TENM3: variants seen among roughly 807,000 people sequenced by gnomAD.
The protein encoded by TENM3 is teneurin transmembrane protein 3.
Under a neutral mutation model 255.1 loss-of-function variants are expected in TENM3, and 63 were observed. That is an observed-to-expected ratio of 0.25 (90% CI 0.20 to 0.30). TENM3 has a LOEUF of 0.30. TENM3 is among the 10% of genes least tolerant of loss of function. The pLI, the probability that TENM3 is intolerant of heterozygous loss-of-function variation, is 1.00. For synonymous variants in TENM3, 1,306 were observed against 1,322.3 expected (o/e 0.99, Z 0.27); for missense variants, 2,929 against 3,461.1 (o/e 0.85, Z 3.86).
At chr4:181,856,325 A>G in the TENM3 span, among the ~76,000 whole-genome samples, 1 of 152,144 alleles carries the variant, frequency 6.6e-6, no homozygotes, top group Non-Finnish European at 1.5e-5. Flanking sequence ...GCCAAGACCT[A>G]TAAATCTAAA....
the TENM3 span, among the ~76,000 whole-genome samples, chr4:181,582,147 T>G: frequency 6.6e-6 from 1 of 152,232 alleles, no homozygotes; most frequent in African/African-American, 2.4e-5. Context: ...GTATTCATTG[T>G]TCCTGGTTTC....
At chr4:181,612,127 G>C in the TENM3 span, among the ~76,000 whole-genome samples, 1 of 152,122 alleles carries the variant, frequency 6.6e-6, no homozygotes, top group Non-Finnish European at 1.5e-5. Context: ...CGCCCCCAGA[G>C]CCCCAGCCTC....
chr4:181,762,772 A>G, the TENM3 span, among the ~76,000 whole-genome samples: 1 of 152,174 alleles, frequency 6.6e-6, no homozygotes, highest in Admixed American at 6.5e-5. Flanking sequence ...TCACTGTTGG[A>G]GTACAGCAAG....
chr4:182,355,878 G>C (rs1466784184), intron 3 of TENM3, among the ~76,000 whole-genome samples: 4 of 150,772 alleles, frequency 2.7e-5, no homozygotes, highest in African/African-American at 7.3e-5. Context: ...GGGCCATCAA[G>C]TTTCAGTAAT....
intron 10 of TENM3, among the ~76,000 whole-genome samples, 158 bp from the exon 11 acceptor site, chr4:182,681,656 T>C (rs1756187609): frequency 6.6e-6 from 1 of 152,242 alleles, no homozygotes; most frequent in African/African-American, 2.4e-5. Flanking sequence ...TATTGTATTA[T>C]AATTCTTTGC....
chr4:181,781,857 T>G, the TENM3 span, among the ~76,000 whole-genome samples: 3 of 152,352 alleles, frequency 2.0e-5, no homozygotes, highest in East Asian at 5.8e-4. Context: ...TAAGGCCTTT[T>G]CTGCGTCTAT....
Position 182,296,402 on chromosome 4 carries a change from C to T in TENM3, c.-75-27544C>T, listed in dbSNP as rs1009012530. Reference sequence around the variant, plus strand: ...TAAATCATAAGGGACTTTTTCTTTTCAATTGTACTTGAAGGCTATGGGTTA... The same window carrying T: ...TAAATCATAAGGGACTTTTTCTTTTTAATTGTACTTGAAGGCTATGGGTTA... On this transcript the variant is annotated intron_variant, in intron 1 of 27. Transcript: ENST00000511685. Among the ~76,000 whole-genome samples, 27 of 152,134 alleles carry T rather than the reference C, an allele frequency of 1.8e-4. 1 individual carries two copies. Among genetic ancestry groups the T allele is most frequent in the South Asian group, 6.2e-4 (3 of 4,820 alleles).
At chr4:181,558,809 C>G in the TENM3 span, among the ~76,000 whole-genome samples, 1 of 152,248 alleles carries the variant, frequency 6.6e-6, no homozygotes, top group African/African-American at 2.4e-5. Flanking sequence ...TGGTTAATAC[C>G]TGCATGCAAG....
intron 3 of TENM3, among the ~76,000 whole-genome samples, chr4:182,500,331 A>G (rs1320196438): frequency 6.6e-6 from 1 of 152,190 alleles, no homozygotes; most frequent in Non-Finnish European, 1.5e-5. Context: ...ACAGATCAGT[A>G]AATTTAAAAA....
At chr4:182,746,108 TAA>T (rs1761995693) in intron 19 of TENM3, among the ~76,000 whole-genome samples, 1 of 152,136 alleles carries the variant, frequency 6.6e-6, no homozygotes, top group African/African-American at 2.4e-5. Flanking sequence ...AATAATAATA[TAA>T]GACAAAATAC....
In TENM3 at chr4:182,788,767, G is replaced by A. The variant is rs1293517563; in HGVS notation, c.5305-326G>A. 2.0e-5 allele frequency among the ~76,000 whole-genome samples: 3 copies of A among 152,316 alleles called. No homozygotes were observed. The East Asian group carries it at 5.8e-4, about 29-fold the overall frequency. ...GTGTCTTTTGGGGGAGGAGCTTGGAGTCATATGAACAGGTGTCATGTTTAT... is the reference window on the plus strand; with the variant it reads ...GTGTCTTTTGGGGGAGGAGCTTGGAATCATATGAACAGGTGTCATGTTTAT... On this transcript the variant is annotated intron_variant, in intron 24 of 27. Coordinates refer to ENST00000511685, the MANE Select transcript of TENM3 (RefSeq NM_001080477.4).
chr4:182,019,883 C>T, the TENM3 span, among the ~76,000 whole-genome samples: 1 of 152,130 alleles, frequency 6.6e-6, no homozygotes, highest in East Asian at 2.0e-4. Context: ...CCAGTCTGGT[C>T]TCAAACTCCT....
At chr4:181,767,028 G>A in the TENM3 span, among the ~76,000 whole-genome samples, 1 of 147,186 alleles carries the variant, frequency 6.8e-6, no homozygotes, top group East Asian at 2.0e-4. Context: ...CGAGGCGGGC[G>A]GATCACGAGG....
the TENM3 span, among the ~76,000 whole-genome samples, chr4:182,064,857 A>G: frequency 6.6e-6 from 1 of 152,176 alleles, no homozygotes; most frequent in Non-Finnish European, 1.5e-5. Flanking sequence ...CTAACTCCCT[A>G]CAAAATTCCT....
the TENM3 span, among the ~76,000 whole-genome samples, chr4:182,072,122 C>A: frequency 6.6e-6 from 1 of 152,196 alleles, no homozygotes; most frequent in Non-Finnish European, 1.5e-5. Flanking sequence ...TGTCTTTCTA[C>A]CTTTCCTTGC....
intron 22 of TENM3, among the ~76,000 whole-genome samples, chr4:182,756,039 G>A (rs982356255): frequency 3.3e-5 from 5 of 152,206 alleles, no homozygotes; most frequent in Admixed American, 1.3e-4. Flanking sequence ...AACCTTCTGA[G>A]AAGCATCCCG....
chr4:182,341,446 A>G (rs1399606816), intron 2 of TENM3, among the ~76,000 whole-genome samples: 5 of 152,172 alleles, frequency 3.3e-5, no homozygotes, highest in Admixed American at 6.5e-5. Flanking sequence ...ATTATACTAT[A>G]TACATAATTC....
intron 22 of TENM3, among the ~76,000 whole-genome samples, chr4:182,767,567 A>G (rs1389738819): frequency 2.6e-5 from 4 of 152,160 alleles, no homozygotes; most frequent in African/African-American, 9.7e-5. Flanking sequence ...CCCTCTGTAT[A>G]AAATGTGTGT....
At chr4:181,760,969 T>TACACACACACACACACACAC in the TENM3 span, among the ~76,000 whole-genome samples, 2 of 50,642 alleles carry the variant, frequency 3.9e-5, no homozygotes, top group African/African-American at 1.4e-4. Flanking sequence ...ACCACACACA[T>TACACACACACACACACACAC]ACACACACAC....
Sources: allele counts gnomAD v4.1 joint callset (sites outside exome capture counted in the v4.1 genomes callset), GRCh38; gene constraint gnomAD v4.1.1; transcripts MANE v1.5; gene names NCBI Gene and HGNC (gene_info 2026-07-23, HGNC 2026-07-21).